The following PRKN variants were observed in gnomAD, a reference collection of about 807,000 sequenced individuals.
PRKN encodes the protein parkin RBR E3 ubiquitin protein ligase, also known as E3 ubiquitin-protein ligase parkin.
Under a neutral mutation model 59.5 loss-of-function variants are expected in PRKN, and 56 were observed. That is an observed-to-expected ratio of 0.94 (90% CI 0.76 to 1.18). PRKN has a LOEUF of 1.18. PRKN is among the 50% of genes most tolerant of loss of function. PRKN has a pLI of 0.00. For synonymous variants in PRKN, 250 were observed against 222.1 expected, an observed-to-expected ratio of 1.13 and a Z score of -1.12; for missense variants, 657 against 596.4, an observed-to-expected ratio of 1.10 and a Z score of -1.06.
At chr6:162,489,352 A>G (rs929346913) in intron 1 of PRKN, among the ~76,000 whole-genome samples, 5 of 152,342 alleles carry the variant, frequency 3.3e-5, no homozygotes, top group African/African-American at 9.6e-5. Flanking sequence ...ACAGAAGAAT[A>G]CTTATCTTCT....
chr6:161,821,168 C>T (rs532791786), intron 6 of PRKN, among the ~76,000 whole-genome samples: 1 of 151,718 alleles, frequency 6.6e-6, no homozygotes, highest in African/African-American at 2.4e-5. Flanking sequence ...AGTAAAATCC[C>T]CCAATTACCA....
intron 1 of PRKN, among the ~76,000 whole-genome samples, chr6:162,456,064 C>T (rs1489262098): frequency 6.6e-6 from 1 of 152,044 alleles, no homozygotes; most frequent in African/African-American, 2.4e-5. Context: ...ATTGACAGAT[C>T]ACTGGAGTAA....
At chr6:162,178,390 T>C (rs1022228071) in intron 4 of PRKN, among the ~76,000 whole-genome samples, 1 of 152,080 alleles carries the variant, frequency 6.6e-6, no homozygotes, top group African/African-American at 2.4e-5. Context: ...TGTTTGGGAG[T>C]GTTCGCTCAG....
At chr6:162,291,015 T>C (rs998546784) in intron 2 of PRKN, among the ~76,000 whole-genome samples, 1 of 152,176 alleles carries the variant, frequency 6.6e-6, no homozygotes, top group Admixed American at 6.5e-5. Flanking sequence ...TAACTGTGTG[T>C]ACTTATAAGA....
At position 162,319,286 on chromosome 6, in the gene PRKN, G is replaced by C. The variant is rs559413496; in HGVS notation, c.172-56521C>G. 2.6e-5 allele frequency among the ~76,000 whole-genome samples: 4 copies of C among 151,960 alleles called. No homozygotes were observed. In the South Asian group the frequency reaches 8.3e-4, roughly 32 times the overall value. On this transcript the variant is annotated intron_variant, in intron 2 of 11. Transcript: ENST00000366898. ...TCTTCATCAAAGATCAGAATCTTTG[G>C]GGGTGGAGGAGCCCAAGCATCTGTA...
chr6:161,973,457 G>T (rs1281429785), intron 5 of PRKN, 40 bp from the exon 6 acceptor site: 1 of 1,143,398 alleles, frequency 8.7e-7, no homozygotes, highest in African/African-American at 1.5e-5. Context: ...ATGGATCCCG[G>T]CTGCTCATTT....
At chr6:162,069,182 G>A (rs1480445141) in intron 4 of PRKN, among the ~76,000 whole-genome samples, 1 of 152,074 alleles carries the variant, frequency 6.6e-6, no homozygotes. Context: ...ATAGAATCAT[G>A]GGGGCTGGTC....
intron 1 of PRKN, chr6:162,624,252 A>C (rs1415250975): frequency 6.6e-6 from 1 of 150,660 alleles, no homozygotes; most frequent in Non-Finnish European, 1.5e-5. Context: ...TGTCTCCACA[A>C]AAAAAAAAAA....
At position 161,566,471 on chromosome 6, in the gene PRKN, A is replaced by G. The variant is rs1389581105; in HGVS notation, c.933+2884T>C. On this transcript the variant is annotated intron_variant, in intron 8 of 11. Transcript: ENST00000366898. This position sits in a 1 kb window ranked among gnomAD's most constrained non-coding sequence, Gnocchi z 4.1. ...ACCCAGGCTGGAGTGCATTGGCACGATATTGGCTCACTGCAACCTCCGCCT... is the reference window on the plus strand; with the variant it reads ...ACCCAGGCTGGAGTGCATTGGCACGGTATTGGCTCACTGCAACCTCCGCCT... Among the ~76,000 whole-genome samples, 1 of 152,172 alleles carries G rather than the reference A, an allele frequency of 6.6e-6. No individual in the cohort carries two copies. Among genetic ancestry groups the G allele is most frequent in the Non-Finnish European group, 1.5e-5 (1 of 68,040 alleles).
At chr6:162,556,764 G>A (rs112315644) in intron 1 of PRKN, among the ~76,000 whole-genome samples, 38,981 of 126,050 alleles carry the variant, frequency 0.31, 6,283 homozygotes, top group East Asian at 0.51. Flanking sequence ...AAAAAAAAAA[G>A]AGAAAAGGAA....
chr6:161,809,551 G>A (rs557238988), intron 6 of PRKN, among the ~76,000 whole-genome samples: 16 of 152,218 alleles, frequency 1.1e-4, no homozygotes, highest in African/African-American at 2.2e-4. Context: ...ATTGTCCTGC[G>A]TAGCGAACTT....
chr6:162,545,665 T>G (rs1483277215), intron 1 of PRKN, among the ~76,000 whole-genome samples: 2 of 152,188 alleles, frequency 1.3e-5, no homozygotes, highest in African/African-American at 4.8e-5. Flanking sequence ...ATAACATTTA[T>G]TACTCCGAGG....
chr6:162,255,440 TG>T (rs1351639613), intron 3 of PRKN, among the ~76,000 whole-genome samples: 10 of 152,206 alleles, frequency 6.6e-5, no homozygotes, highest in Non-Finnish European at 1.2e-4. Flanking sequence ...ATGGGGAAAC[TG>T]TGGCCTGGTA....
rs765832429 is a variant in PRKN at position 161,460,085 on chromosome 6, G to A, written c.1084-73208C>T. ...GTCCCCACAGGGTGAAGCAGGCATGGTGCAGGAATAGTACGAACAAATATA... is the reference window on the plus strand; with the variant it reads ...GTCCCCACAGGGTGAAGCAGGCATGATGCAGGAATAGTACGAACAAATATA... On this transcript the variant is annotated intron_variant, in intron 9 of 11. Coordinates refer to ENST00000366898, the MANE Select transcript of PRKN (RefSeq NM_004562.3). This position sits in a 1 kb window ranked among gnomAD's most constrained non-coding sequence, Gnocchi z 5.0. Among the ~76,000 whole-genome samples the A allele has an allele frequency of 5.9e-5, 9 of 152,130 alleles. No individual in the cohort carries two copies. The highest frequency in any genetic ancestry group is 8.8e-5 in the Non-Finnish European group (6 of 68,030).
rs1784851694 is a variant in PRKN at position 162,356,287 on chromosome 6, A to G, written c.171+87023T>C. ...CTAACTGAAAGATGCTAATCTTTCTACTCTGTGGTCCTAAATTGTGCCCCT... is the reference window on the plus strand; with the variant it reads ...CTAACTGAAAGATGCTAATCTTTCTGCTCTGTGGTCCTAAATTGTGCCCCT... On this transcript the variant is annotated intron_variant, in intron 2 of 11. Coordinates refer to ENST00000366898, the MANE Select transcript of PRKN (RefSeq NM_004562.3). Among the ~76,000 whole-genome samples, 5 of 152,002 alleles carry G rather than the reference A, an allele frequency of 3.3e-5. No individual in the cohort carries two copies. The South Asian group carries it at 1.0e-3, about 32-fold the overall frequency.
intron 2 of PRKN, among the ~76,000 whole-genome samples, chr6:162,326,512 G>C (rs1193357055): frequency 6.6e-6 from 1 of 152,066 alleles, no homozygotes; most frequent in Non-Finnish European, 1.5e-5. Flanking sequence ...TTTGAGAATT[G>C]CTTTTGCCTG....
intron 6 of PRKN, among the ~76,000 whole-genome samples, chr6:161,825,754 A>G (rs1792218933): frequency 6.6e-6 from 1 of 151,966 alleles, no homozygotes; most frequent in Non-Finnish European, 1.5e-5. Context: ...TAGTAATGGG[A>G]GACAGGAGGA....
chr6:162,703,122 A>T (rs145841165), intron 1 of PRKN, among the ~76,000 whole-genome samples: 2,134 of 152,284 alleles, frequency 0.014, 23 homozygotes, highest in Non-Finnish European at 0.023. Context: ...CTTTTAATAG[A>T]GTGGCAACAA....
At chr6:162,263,345 G>A (rs879722250) in intron 2 of PRKN, 1 of 182,516 alleles carries the variant, frequency 5.5e-6, no homozygotes, top group African/African-American at 2.4e-5. Context: ...TTATCAATGA[G>A]AGGGCATTTC....
Sources: gnomAD v4.1 joint callset for allele counts (sites outside exome capture counted in the v4.1 genomes callset) on GRCh38, gnomAD v4.1.1 for gene constraint, Gnocchi (gnomAD v3.1) non-coding constraint, MANE v1.5 for transcripts, NCBI Gene and HGNC (gene_info 2026-07-23, HGNC 2026-07-21) for gene names.